The following VWDE variants were observed in gnomAD, a reference collection of about 807,000 sequenced individuals.
VWDE encodes von Willebrand factor D and EGF domains.
VWDE carries 207 observed loss-of-function variants against 178.4 expected under a neutral mutation model. The observed-to-expected ratio is 1.16, with a 90% CI of 1.04 to 1.30. The LOEUF (loss-of-function observed/expected upper bound fraction) is 1.30. Among genes scored for constraint, VWDE ranks in the 50% most tolerant of loss-of-function variants. VWDE has a pLI of 0.00. For missense variants in VWDE, 2,287 were observed against 1,901.3 expected (o/e 1.20, Z -3.77); for synonymous variants, 738 against 651.4 (o/e 1.13, Z -2.02).
intron 23 of VWDE, among the ~76,000 whole-genome samples, chr7:12,340,897 G>C (rs769190994): frequency 2.6e-5 from 4 of 152,146 alleles, no homozygotes; most frequent in Non-Finnish European, 4.4e-5. Flanking sequence ...CTGCACTCAA[G>C]TCCTAGCACA....
intron 9 of VWDE, among the ~76,000 whole-genome samples, 165 bp from the exon 10 acceptor site, chr7:12,373,412 C>T (rs529610854): frequency 6.6e-6 from 1 of 152,212 alleles, no homozygotes; most frequent in East Asian, 1.9e-4. Context: ...CCTTTCTTCC[C>T]TTTCACCACT....
At chr7:12,360,961 A>G (rs2053382) in intron 15 of VWDE, among the ~76,000 whole-genome samples, 186 bp downstream of exon 15, 15,991 of 152,110 alleles carry the variant, frequency 0.11, 1,010 homozygotes, top group Non-Finnish European at 0.14. Flanking sequence ...TCAAAATGTT[A>G]AAGGTAGGAA....
chr7:12,370,180 A>G lies in VWDE; in HGVS notation c.2126T>C (p.Leu709Ser), dbSNP rs905798049. 4.5e-6 allele frequency: 7 copies of G among 1,551,332 alleles called. No individual in the cohort carries two copies. Among genetic ancestry groups the G allele is most frequent in the Non-Finnish European group, 5.2e-6 (6 of 1,146,870 alleles). The stretch of plus-strand genomic sequence containing the variant: ...ATTTCCAGGATGTTTTTGTACATTT[A>G]AGCCGAGTTTAGTCAGGTTTATGTG... The part of the protein sequence containing the change: ...KKHINLTKLG[L>S]NVQKHPGNEK... The change falls in exon 12 of 29, where the codon TTA becomes TCA. Residue 709 changes from leucine (L) to serine (S), a missense_variant. Coordinates refer to ENST00000275358, the MANE Select transcript of VWDE (RefSeq NM_001135924.3).
chr7:12,391,261 A>T (rs977563106), intron 2 of VWDE, among the ~76,000 whole-genome samples: 3 of 152,222 alleles, frequency 2.0e-5, no homozygotes, highest in Admixed American at 1.3e-4. Context: ...AGCTTTATGT[A>T]ATGCATAAGC....
intron 1 of VWDE, among the ~76,000 whole-genome samples, chr7:12,403,336 G>C (rs1013053059): frequency 1.3e-5 from 2 of 152,158 alleles, no homozygotes; most frequent in African/African-American, 2.4e-5. Context: ...CAGATCCGGC[G>C]AAAGTTTCTT....
At chr7:12,392,193 G>A (rs1784418365) in intron 2 of VWDE, among the ~76,000 whole-genome samples, 1 of 152,170 alleles carries the variant, frequency 6.6e-6, no homozygotes, top group Admixed American at 6.5e-5. Context: ...TTATAATGAA[G>A]TAACACTAGC....
intron 6 of VWDE, 57 bp from the exon 7 acceptor site, chr7:12,377,977 A>G (rs2128557698): frequency 7.7e-7 from 1 of 1,297,220 alleles, no homozygotes; most frequent in East Asian, 2.8e-5. Flanking sequence ...TTTCTAAGGC[A>G]CAGTTTTGAA....
rs183727356 is a variant in VWDE at position 12,401,824 on chromosome 7, A to G, written c.58+1835T>C. ...TCGGAGAAATGAAAACATACATCCA[A>G]ACAAAACTTGTACCTCGGTGCTTTA... On this transcript the variant is annotated intron_variant, in intron 1 of 28. Transcript: ENST00000275358. Among the ~76,000 whole-genome samples, 13 of 152,282 alleles carry G rather than the reference A, an allele frequency of 8.5e-5. No individual in the cohort carries two copies. In the East Asian group the frequency reaches 2.5e-3, roughly 29 times the overall value.
chr7:12,398,722 A>T (rs1784741542), intron 1 of VWDE, among the ~76,000 whole-genome samples: 1 of 152,164 alleles, frequency 6.6e-6, no homozygotes, highest in Non-Finnish European at 1.5e-5. Context: ...CATAAAAAAG[A>T]CTAAAACGTG....
At chr7:12,348,704 G>T (rs949281382) in intron 19 of VWDE, among the ~76,000 whole-genome samples, 2 of 149,440 alleles carry the variant, frequency 1.3e-5, no homozygotes, top group African/African-American at 5.0e-5. Context: ...AATACCATTT[G>T]ACCCAGCCAT....
chr7:12,344,192 CA>C lies in VWDE; in HGVS notation c.4078+2del. On this transcript the variant is annotated splice_donor_variant, in intron 21 of 28. Coordinates refer to ENST00000275358, the MANE Select transcript of VWDE (RefSeq NM_001135924.3). LOFTEE classifies it high-confidence loss of function. ...ATATTTGATTTTTAATTTGAATTAT[CA>C]CCTTCATCACAGGTTGCTCCACCAT... 1 of 1,549,668 alleles carries C rather than the reference CA, an allele frequency of 6.5e-7. No homozygotes were observed. Among genetic ancestry groups the C allele is most frequent in the Non-Finnish European group, 8.7e-7 (1 of 1,145,666 alleles).
chr7:12,339,712 T>G (rs1404733813), intron 24 of VWDE, among the ~76,000 whole-genome samples: 1 of 152,146 alleles, frequency 6.6e-6, no homozygotes, highest in South Asian at 2.1e-4. Context: ...CTCGAAAATA[T>G]GAAGATGTAG....
rs1240721697 is a variant in VWDE, at chr7:12,374,543, T to C, written c.1316+146A>G. On this transcript the variant is annotated intron_variant, in intron 9 of 28. Transcript: ENST00000275358. ...GGCAAAAAATTCTACACAAATAAAC[T>C]AGTATCTTGAAACAAGCCAGTAATG... is the stretch of plus-strand genomic sequence containing the variant. 1.1e-5 allele frequency: 6 copies of C among 537,574 alleles called. No individual in the cohort carries two copies. The Admixed American group carries it at 2.3e-4, about 20-fold the overall frequency. The allele number at this position is 537,574 out of a possible 1,614,324, so 33.3% of individuals were successfully genotyped here. A position where few individuals can be genotyped will look rare whatever the true frequency, so the allele number is the denominator to read the frequency against.
chr7:12,343,657 T>C (rs758109314), intron 21 of VWDE, among the ~76,000 whole-genome samples: 29 of 152,182 alleles, frequency 1.9e-4, no homozygotes, highest in Admixed American at 1.3e-3. Flanking sequence ...TTTTCACATA[T>C]TATTTTAAAA....
intron 7 of VWDE, chr7:12,377,574 C>T (rs558986285): frequency 2.3e-4 from 85 of 376,398 alleles, no homozygotes; most frequent in Middle Eastern, 2.0e-3. Flanking sequence ...AAAATGTATG[C>T]TTTCAGCCAA....
chr7:12,366,861 A>C (rs916255007), intron 13 of VWDE, among the ~76,000 whole-genome samples: 1 of 152,120 alleles, frequency 6.6e-6, no homozygotes, highest in African/African-American at 2.4e-5. Context: ...ACTAACGTTC[A>C]AACTGATCAT....
At chr7:12,332,435 CAAAT>C (rs1780778456) in intron 28 of VWDE, among the ~76,000 whole-genome samples, 1 of 151,896 alleles carries the variant, frequency 6.6e-6, no homozygotes, top group African/African-American at 2.4e-5. Context: ...ATTCAGATGG[CAAAT>C]AAATACATAA....
Position 12,393,643 on chromosome 7 carries a change from C to G in VWDE, c.194G>C (p.Arg65Thr). The change falls in exon 2 of 29, where the codon AGA becomes ACA. Residue 65 changes from arginine (R) to threonine (T), a missense_variant. Coordinates refer to ENST00000275358, the MANE Select transcript of VWDE (RefSeq NM_001135924.3). Reference sequence around the variant, plus strand: ...GGCAGGTCTGTCAAGGATGAGAAATCTATACCATCCAGGGGAGAGGGAATG... The same window carrying G: ...GGCAGGTCTGTCAAGGATGAGAAATGTATACCATCCAGGGGAGAGGGAATG... Reference protein sequence around the residue: ...CDHSLSPGWYRFLILDRPAEM... With the variant: ...CDHSLSPGWYTFLILDRPAEM... 1.3e-6 allele frequency: 2 copies of G among 1,551,070 alleles called. No individual in the cohort carries two copies. Among genetic ancestry groups the G allele is most frequent in the Non-Finnish European group, 1.7e-6 (2 of 1,146,616 alleles).
intron 4 of VWDE, among the ~76,000 whole-genome samples, chr7:12,382,543 C>G (rs1783904045): frequency 6.6e-6 from 1 of 151,764 alleles, no homozygotes; most frequent in Non-Finnish European, 1.5e-5. Context: ...TTATAAAACT[C>G]TTTTTAAAAT....
Sources: gnomAD v4.1 joint callset for allele counts (sites outside exome capture counted in the v4.1 genomes callset) on GRCh38, gnomAD v4.1.1 for gene constraint, MANE v1.5 for transcripts, NCBI Gene and HGNC (gene_info 2026-07-23, HGNC 2026-07-21) for gene names.